The following THPO variants were observed in gnomAD, a reference collection of about 807,000 sequenced individuals.
THPO encodes the protein thrombopoietin.
THPO carries 12 observed loss-of-function variants against 17.0 expected under a neutral mutation model. The observed-to-expected ratio is 0.71, with a 90% CI of 0.45 to 1.14. THPO has a LOEUF of 1.14. Ranked by LOEUF, THPO falls within the 50% of genes most tolerant of loss-of-function variation. The pLI, the probability that THPO is intolerant of heterozygous loss-of-function variation, is 0.00. For missense variants in THPO, 365 were observed against 427.5 expected (o/e 0.85, Z 1.29); for synonymous variants, 188 against 183.0 (o/e 1.03, Z -0.22).
chr3:184,376,845 C>CAAAA (rs577828569), intron 1 of THPO, among the ~76,000 whole-genome samples: 8 of 131,570 alleles, frequency 6.1e-5, no homozygotes. Flanking sequence ...AACTCCGTCT[C>CAAAA]AAAAAAAAAA....
Position 184,372,321 on chromosome 3 carries a change from A to T in THPO, c.*192T>A, listed in dbSNP as rs968974068. On this transcript the variant is annotated 3_prime_UTR_variant, in exon 6 of 6. Transcript: ENST00000647395. ...CTCTGATGAGTATTGCTGATAGCTTAAAAAAATAGCTTCTGAAGGTTTATA... is the reference window on the plus strand; with the variant it reads ...CTCTGATGAGTATTGCTGATAGCTTTAAAAAATAGCTTCTGAAGGTTTATA... 11 of 678,242 alleles carry T rather than the reference A, an allele frequency of 1.6e-5. No homozygotes were observed. Among genetic ancestry groups the T allele is most frequent in the South Asian group, 5.6e-5 (3 of 53,224 alleles). The allele number at this position is 678,242 out of a possible 1,614,324, so 42.0% of individuals were successfully genotyped here.
intron 1 of THPO, among the ~76,000 whole-genome samples, chr3:184,377,615 A>G (rs887515300): frequency 6.6e-6 from 1 of 152,148 alleles, no homozygotes; most frequent in African/African-American, 2.4e-5. Context: ...GATTTCCTGT[A>G]GGTCTGTCAA....
At chr3:184,373,826 C>CT (rs1714169300) in intron 4 of THPO, among the ~76,000 whole-genome samples, 1 of 152,190 alleles carries the variant, frequency 6.6e-6, no homozygotes, top group Non-Finnish European at 1.5e-5. Flanking sequence ...AGAAGAGCTC[C>CT]TTTTTTCTTA....
rs761230211 is a variant in THPO, at chr3:184,373,020, T to C, written c.555A>G (p.Arg185=). The C allele has an allele frequency of 1.2e-6, 2 of 1,614,110 alleles. No individual in the cohort carries two copies. Among genetic ancestry groups the C allele is most frequent in the Non-Finnish European group, 1.7e-6 (2 of 1,180,008 alleles). Residue 185 remains arginine, a synonymous_variant, in exon 6 of 6, where the codon AGA becomes AGG. Coordinates refer to ENST00000647395, the MANE Select transcript of THPO (RefSeq NM_000460.4). ...CGTTCAGTGTGAGGACTAGAGAGGT[T>C]CTGCTGGGGACAGCTGTGGTGGGTG... The part of the protein sequence containing the change: ...RAPPTTAVPS[R]TSLVLTLNEL...
chr3:184,378,723 T>G, upstream of THPO: 1 of 852,516 alleles, frequency 1.2e-6, no homozygotes, highest in Non-Finnish European at 1.4e-6. Context: ...GGGGCACATG[T>G]ATGTGCGCAC....
At chr3:184,377,315 C>T (rs3792299) in intron 1 of THPO, among the ~76,000 whole-genome samples, 7,702 of 152,230 alleles carry the variant, frequency 0.051, 337 homozygotes, top group East Asian at 0.14. Flanking sequence ...GAGCTTTTCT[C>T]TGGACTCCAA....
chr3:184,376,845 C>CAAAAAA (rs577828569), intron 1 of THPO, among the ~76,000 whole-genome samples: 1 of 131,574 alleles, frequency 7.6e-6, no homozygotes, highest in African/African-American at 2.9e-5. Flanking sequence ...AACTCCGTCT[C>CAAAAAA]AAAAAAAAAA....
chr3:184,373,662 G>T, intron 4 of THPO, 80 bp from the exon 5 acceptor site: 2 of 1,493,830 alleles, frequency 1.3e-6, no homozygotes, highest in South Asian at 2.4e-5. Context: ...GGAGTAGCCA[G>T]CAGAGTGAAT....
At chr3:184,375,478 G>A (rs762032968) in intron 4 of THPO, 37 bp downstream of exon 4, 1 of 1,594,414 alleles carries the variant, frequency 6.3e-7, no homozygotes, top group South Asian at 1.1e-5. Flanking sequence ...CTGAAGACAG[G>A]ACTTAGGGAA....
chr3:184,375,514 C>T lies in THPO; in HGVS notation c.228+1G>A. ...GCCAAGGTTAGGGATGGCTTTCTTA[C>T]CATCTGGGTTTTCCATTCTCCCAAG... On this transcript the variant is annotated splice_donor_variant, in intron 4 of 5. Transcript: ENST00000647395. LOFTEE classifies it high-confidence loss of function. 1 of 1,614,132 alleles carries T rather than the reference C, an allele frequency of 6.2e-7. No individual in the cohort carries two copies. The highest frequency in any genetic ancestry group is 1.3e-5 in the African/African-American group (1 of 75,040).
upstream of THPO, chr3:184,378,697 G>A (rs1192042054): frequency 4.4e-6 from 3 of 682,060 alleles, no homozygotes; most frequent in African/African-American, 3.9e-5. Context: ...GACGGGTTGA[G>A]TGGACTGTCA....
chr3:184,378,111 A>T lies in THPO; in HGVS notation c.-182T>A. ...GGGCTCCAGGACCCAAGTGCACAGC[A>T]GGCAGCCCTCTGGGGAGCAGATGGG... On this transcript the variant is annotated 5_prime_UTR_variant, in exon 1 of 6. Coordinates refer to ENST00000647395, the MANE Select transcript of THPO (RefSeq NM_000460.4). The T allele has an allele frequency of 1.0e-6, 1 of 985,682 alleles. No individual in the cohort carries two copies. Among genetic ancestry groups the T allele is most frequent in the Non-Finnish European group, 1.2e-6 (1 of 830,112 alleles). 61.1% of individuals were successfully genotyped at this position (985,682 alleles called of 1,614,324 possible). A position where few individuals can be genotyped will look rare whatever the true frequency, so the allele number is the denominator to read the frequency against.
In THPO at chr3:184,373,409, A is replaced by C. The variant is rs759160420; in HGVS notation, c.396+6T>G. 18 of 1,613,766 alleles carry C rather than the reference A, an allele frequency of 1.1e-5. No homozygotes were observed. Among genetic ancestry groups the C allele is most frequent in the Non-Finnish European group, 1.5e-5 (18 of 1,179,948 alleles). The stretch of plus-strand genomic sequence containing the variant: ...GTTTCTACAGATCCCTTGACTGGGG[A>C]CTTACCTGGGTTCCAAGGAGGCTCT... On this transcript the variant is annotated splice_donor_region_variant and intron_variant, in intron 5 of 5. Transcript: ENST00000647395.
Position 184,372,879 on chromosome 3 carries a change from C to G in THPO, c.696G>C (p.Leu232=). Residue 232 remains leucine (L), a synonymous_variant, in exon 6 of 6, where the codon CTG becomes CTC. Transcript: ENST00000647395. Reference sequence around the variant, plus strand: ...CCAGGGACCTGGAGGTTTGGTTCAGCAGACCAGGAATCTTGGCTCTGAATC... The same window carrying G: ...CCAGGGACCTGGAGGTTTGGTTCAGGAGACCAGGAATCTTGGCTCTGAATC... The part of the protein sequence containing the change: ...QQGFRAKIPG[L]LNQTSRSLDQ... 1 of 1,613,978 alleles carries G rather than the reference C, an allele frequency of 6.2e-7. No individual in the cohort carries two copies. The highest frequency in any genetic ancestry group is 8.5e-7 in the Non-Finnish European group (1 of 1,179,964).
rs1412520286 is a variant in THPO at position 184,373,016 on chromosome 3, AG to A, written c.558del (p.Ser187LeufsTer2). On this transcript the variant is annotated frameshift_variant, in exon 6 of 6. Coordinates refer to ENST00000647395, the MANE Select transcript of THPO (RefSeq NM_000460.4). LOFTEE classifies it low-confidence loss of function (END_TRUNC). The part of the protein sequence containing the change: ...APPTTAVPSR[T>X]SLVLTLNELP... ...AGCTCGTTCAGTGTGAGGACTAGAG[AG>A]GTTCTGCTGGGGACAGCTGTGGTGG... 7.4e-6 allele frequency: 12 copies of A among 1,613,942 alleles called. No individual in the cohort carries two copies. Among genetic ancestry groups the A allele is most frequent in the Non-Finnish European group, 9.3e-6 (11 of 1,180,020 alleles).
intron 1 of THPO, 28 bp downstream of exon 1, chr3:184,378,047 A>G (rs1714567088): frequency 1.0e-6 from 1 of 985,590 alleles, no homozygotes; most frequent in Non-Finnish European, 1.2e-6. Flanking sequence ...CTACCCTCAC[A>G]TAACCCCACA....
intron 4 of THPO, 94 bp from the exon 5 acceptor site, chr3:184,373,676 A>G (rs2700322): frequency 3.7e-5 from 52 of 1,404,186 alleles, no homozygotes; most frequent in Admixed American, 1.1e-4. Context: ...AGTGAATCAT[A>G]CAGGCTGAGA....
At chr3:184,379,414 T>A (rs1473385838), upstream of THPO, among the ~76,000 whole-genome samples, 1 of 151,982 alleles carries the variant, frequency 6.6e-6, no homozygotes, top group African/African-American at 2.4e-5. Flanking sequence ...AGGGAGATAC[T>A]GTCACTCCAC....
upstream of THPO, chr3:184,378,313 C>G (rs1490917025): frequency 3.0e-6 from 3 of 985,402 alleles, no homozygotes; most frequent in African/African-American, 3.5e-5. Context: ...CCTCCACCCA[C>G]ACACACCACG....
Sources: gnomAD v4.1 joint callset for allele counts (sites outside exome capture counted in the v4.1 genomes callset) on GRCh38, gnomAD v4.1.1 for gene constraint, MANE v1.5 for transcripts, NCBI Gene and HGNC (gene_info 2026-07-23, HGNC 2026-07-21) for gene names.